Variants in DOCK8 observed in about 807,000 individuals in gnomAD.
DOCK8 encodes the protein dedicator of cytokinesis 8, also known as dedicator of cytokinesis protein 8.
Under a neutral mutation model 245.6 loss-of-function variants are expected in DOCK8, and 141 were observed. That is an observed-to-expected ratio of 0.57 (90% CI 0.50 to 0.66). DOCK8 has a LOEUF of 0.66. DOCK8 is among the 30% of genes least tolerant of loss of function. The probability of loss-of-function intolerance (pLI) is 0.00; values close to 1 mark genes in which losing one functional copy is unlikely to be tolerated. For synonymous variants in DOCK8, 1,168 were observed against 970.2 expected (o/e 1.20, Z -3.79); for missense variants, 2,965 against 2,603.4 (o/e 1.14, Z -3.02).
intron 1 of DOCK8, among the ~76,000 whole-genome samples, chr9:262,740 C>T (rs189687186): frequency 2.6e-5 from 4 of 151,610 alleles, no homozygotes; most frequent in Admixed American, 6.6e-5. Flanking sequence ...TGGGTCTATA[C>T]GTATGTCAAA....
intron 1 of DOCK8, among the ~76,000 whole-genome samples, chr9:228,133 C>T (rs564591002): frequency 6.9e-4 from 105 of 151,936 alleles, no homozygotes; most frequent in African/African-American, 2.1e-3. Flanking sequence ...TGGATGAGGC[C>T]GAAGAGAAAT....
chr9:400,023 C>CACCACCACCTCCACCACCAGCACT (rs1388193541), intron 26 of DOCK8, among the ~76,000 whole-genome samples: 5 of 125,392 alleles, frequency 4.0e-5, no homozygotes, highest in East Asian at 5.1e-4. Flanking sequence ...TCACCACCAC[C>CACCACCACCTCCACCACCAGCACT]TCCACCATCA....
At chr9:323,685 C>T (rs2130792092) in intron 7 of DOCK8, among the ~76,000 whole-genome samples, 1 of 152,312 alleles carries the variant, frequency 6.6e-6, no homozygotes, top group Middle Eastern at 3.4e-3. Context: ...TCCCCAGCCC[C>T]TGGCAACTCC....
intron 46 of DOCK8, chr9:458,381 G>A (rs2057705924): frequency 6.6e-6 from 1 of 152,188 alleles, no homozygotes; most frequent in Admixed American, 6.5e-5. Flanking sequence ...TGCATGGGAG[G>A]CTAGGAAGTG....
rs1331786922 is a variant in DOCK8, at chr9:464,650, T to C, written c.*431T>C. 4.5e-6 allele frequency: 1 copy of C among 224,122 alleles called. No individual in the cohort carries two copies. The highest frequency in any genetic ancestry group is 9.1e-6 in the Non-Finnish European group (1 of 110,398). The allele number at this position is 224,122 out of a possible 1,614,324, so 13.9% of individuals were successfully genotyped here. The stretch of plus-strand genomic sequence containing the variant: ...TCGATTCAAACTGAATTTCACTCTT[T>C]ATAGGAAGGCAGGGCAAACTTGTAG... On this transcript the variant is annotated 3_prime_UTR_variant, in exon 48 of 48. Transcript: ENST00000432829.
intron 1 of DOCK8, among the ~76,000 whole-genome samples, chr9:267,216 T>A (rs576568294): frequency 2.3e-4 from 35 of 152,334 alleles, no homozygotes; most frequent in African/African-American, 8.2e-4. Flanking sequence ...GTTTTTGTTT[T>A]TGTTTTGAGA....
intron 8 of DOCK8, among the ~76,000 whole-genome samples, chr9:327,691 C>G (rs769128130): frequency 3.3e-5 from 5 of 152,168 alleles, no homozygotes; most frequent in Non-Finnish European, 7.3e-5. Context: ...ACCACCACAC[C>G]CAGTCCTTCC....
intron 4 of DOCK8, among the ~76,000 whole-genome samples, chr9:295,769 A>G (rs1038715118): frequency 6.6e-6 from 1 of 152,152 alleles, no homozygotes; most frequent in Non-Finnish European, 1.5e-5. Context: ...AGCTGTGGTA[A>G]TGGTTTTGAA....
Position 336,616 on chromosome 9 carries a change from C to G in DOCK8, c.1320C>G (p.Ala440=), listed in dbSNP as rs1330733794. 1.9e-6 allele frequency: 3 copies of G among 1,613,920 alleles called. No homozygotes were observed. The highest frequency in any genetic ancestry group is 2.5e-6 in the Non-Finnish European group (3 of 1,180,006). The change falls in exon 12 of 48, where the codon GCC becomes GCG. Residue 440 remains alanine (A), a synonymous_variant. Coordinates refer to ENST00000432829, the MANE Select transcript of DOCK8 (RefSeq NM_203447.4). ...CAGTGGGTGAACGGAGGACATTGGC[C>G]CAATCTAGAAGGCTTTCTGAAAGAG... is the stretch of plus-strand genomic sequence containing the variant. The part of the protein sequence containing the change: ...RSSVGERRTL[A]QSRRLSERAL...
intron 14 of DOCK8, chr9:365,680 C>T (rs889470857): frequency 6.7e-6 from 3 of 446,438 alleles, no homozygotes; most frequent in African/African-American, 4.1e-5. Flanking sequence ...AGCTAAGTAA[C>T]TTGCCAAAGG....
At chr9:355,062 C>T (rs1003102612) in intron 14 of DOCK8, among the ~76,000 whole-genome samples, 1 of 152,042 alleles carries the variant, frequency 6.6e-6, no homozygotes, top group Admixed American at 6.6e-5. Context: ...AATGAAGCTA[C>T]AAAACATTGA....
intron 23 of DOCK8, among the ~76,000 whole-genome samples, chr9:389,592 CCAG>C (rs113659484): frequency 0.36 from 55,017 of 151,034 alleles, 12,025 homozygotes; most frequent in African/African-American, 0.62. Context: ...TAACCCTGGA[CCAG>C]CAGCAGCAGC....
intron 4 of DOCK8, among the ~76,000 whole-genome samples, chr9:297,226 C>T (rs1395063715): frequency 6.6e-6 from 1 of 152,104 alleles, no homozygotes; most frequent in Admixed American, 6.5e-5. Context: ...AGCAACATTT[C>T]CCCCTATTTC....
intron 4 of DOCK8, among the ~76,000 whole-genome samples, chr9:292,230 C>A (rs2049071551): frequency 6.7e-6 from 1 of 150,168 alleles, no homozygotes. Context: ...ATTAACCGGG[C>A]ATGGTGGTGC....
intron 2 of DOCK8, among the ~76,000 whole-genome samples, chr9:276,153 A>T (rs900141348): frequency 2.0e-5 from 3 of 152,214 alleles, no homozygotes; most frequent in Non-Finnish European, 4.4e-5. Context: ...GGCCTCCCAA[A>T]GTGCTGGGAT....
At chr9:318,477 C>G (rs991719666) in intron 7 of DOCK8, among the ~76,000 whole-genome samples, 6 of 152,218 alleles carry the variant, frequency 3.9e-5, no homozygotes, top group African/African-American at 1.4e-4. Context: ...CTACCACAAA[C>G]TTCTATGATT....
chr9:214,442 A>C, upstream of DOCK8: 1 of 1,532,650 alleles, frequency 6.5e-7, no homozygotes, highest in Non-Finnish European at 9.0e-7. Flanking sequence ...AGATTCCACT[A>C]ACTTTTTTGT....
At chr9:315,935 G>T (rs560359315) in intron 6 of DOCK8, among the ~76,000 whole-genome samples, 1 of 152,226 alleles carries the variant, frequency 6.6e-6, no homozygotes, top group East Asian at 1.9e-4. Flanking sequence ...ATCCTAAAAG[G>T]TCCAGATTGC....
intron 2 of DOCK8, chr9:273,233 G>C (rs2274526): frequency 0.27 from 159,561 of 599,774 alleles, 21,959 homozygotes; most frequent in East Asian, 0.39. Flanking sequence ...CATTTTTTCA[G>C]AAAATCTACT....
Sources: gnomAD v4.1 joint callset for allele counts (sites outside exome capture counted in the v4.1 genomes callset) on GRCh38, gnomAD v4.1.1 for gene constraint, MANE v1.5 for transcripts, NCBI Gene and HGNC (gene_info 2026-07-23, HGNC 2026-07-21) for gene names.